FMO3: variants seen among roughly 807,000 people sequenced by gnomAD.
FMO3 encodes the protein flavin-containing monooxygenase 3.
A neutral mutation model predicts 39.4 loss-of-function variants in FMO3; 40 were observed. The observed-to-expected ratio is 1.02, with a 90% CI of 0.79 to 1.32. The LOEUF is 1.32. FMO3 is among the 40% of genes most tolerant of loss of function. The pLI is 0.00. For missense variants in FMO3, 680 were observed against 651.8 expected, an observed-to-expected ratio of 1.04 and a Z score of -0.47; for synonymous variants, 219 against 228.8, an observed-to-expected ratio of 0.96 and a Z score of 0.39.
chr1:171,117,193 G>C lies in FMO3; in HGVS notation c.1350G>C (p.Leu450=), dbSNP rs1252654025. 4 of 1,614,030 alleles carry C rather than the reference G, an allele frequency of 2.5e-6. No individual in the cohort carries two copies. Among genetic ancestry groups the C allele is most frequent in the East Asian group, 4.5e-5 (2 of 44,892 alleles). The change falls in exon 9 of 9, where the codon CTG becomes CTC. Residue 450 remains leucine (L), a synonymous_variant. Transcript: ENST00000367755. The part of the protein sequence containing the change: ...FIGAKPNIPW[L]FLTDPKLAME... The stretch of plus-strand genomic sequence containing the variant: ...GGGCAAAGCCCAACATCCCATGGCT[G>C]TTTCTCACAGATCCCAAATTGGCCA...
intron 3 of FMO3, among the ~76,000 whole-genome samples, chr1:171,106,450 T>C (rs1360320780): frequency 1.3e-5 from 2 of 152,206 alleles, no homozygotes; most frequent in Non-Finnish European, 2.9e-5. Flanking sequence ...TTAGAAATTT[T>C]GTAATTGCAT....
Position 171,096,063 on chromosome 1 carries a change from A to T in FMO3, c.132+3273A>T, listed in dbSNP as rs865779310. 7.3e-3 allele frequency among the ~76,000 whole-genome samples: 401 copies of T among 55,120 alleles called. 14 individuals are homozygous for T. Among genetic ancestry groups the T allele is most frequent in the African/African-American group, 0.039 (353 of 9,142 alleles). The allele number at this position is 55,120 out of a possible 152,430, so 36.2% of individuals were successfully genotyped here. On this transcript the variant is annotated intron_variant, in intron 2 of 8. Transcript: ENST00000367755. ...TATTATATATAAATATATAATATAT[A>T]TTATATATTAATATATAATATATAT...
At chr1:171,096,584 AT>A (rs1229193085) in intron 2 of FMO3, among the ~76,000 whole-genome samples, 2 of 121,876 alleles carry the variant, frequency 1.6e-5, no homozygotes, top group Non-Finnish European at 3.2e-5. Context: ...TACTTTATAT[AT>A]TAAATACATA....
intron 2 of FMO3, among the ~76,000 whole-genome samples, chr1:171,098,292 A>G (rs1419552032): frequency 2.0e-5 from 3 of 152,132 alleles, no homozygotes; most frequent in African/African-American, 4.8e-5. Flanking sequence ...TTGGTTCCAT[A>G]TGAACTTTAA....
rs1262233925 is a variant in FMO3, at chr1:171,101,332, A to G, written c.133-2453A>G. 26 of 416,402 alleles carry G rather than the reference A, an allele frequency of 6.2e-5. No individual in the cohort carries two copies. The Admixed American group carries it at 6.9e-4, about 11-fold the overall frequency. 25.8% of individuals were successfully genotyped at this position (416,402 alleles called of 1,614,324 possible). ...GGTAATTTATTACAGCAGCCACAAG[A>G]AACTAATACCTTTGGTTTTTCAGCG... On this transcript the variant is annotated intron_variant, in intron 2 of 8. Coordinates refer to ENST00000367755, the MANE Select transcript of FMO3 (RefSeq NM_001002294.3).
chr1:171,107,801 C>G lies in FMO3; in HGVS notation c.448C>G (p.His150Asp), dbSNP rs766237338. 1.2e-6 allele frequency: 2 copies of G among 1,613,948 alleles called. No individual in the cohort carries two copies. Among genetic ancestry groups the G allele is most frequent in the Non-Finnish European group, 1.7e-6 (2 of 1,179,924 alleles). The change falls in exon 4 of 9, where the codon CAT (histidine) becomes GAT (aspartate). Residue 150 changes from histidine to aspartate, a missense_variant. Transcript: ENST00000367755. ...FDAVMVCSGH[H>D]VYPNLPKESF... ...TGCTGTAATGGTTTGTTCCGGACAT[C>G]ATGTGTATCCCAACCTACCAAAAGA... is the stretch of plus-strand genomic sequence containing the variant.
In FMO3 at chr1:171,107,672, T is replaced by C. The variant is rs996915425; in HGVS notation, c.322-3T>C. The stretch of plus-strand genomic sequence containing the variant: ...GAGGGATTTCTTTCTGTATTTCTCT[T>C]AGACATTTGTATCCAGTGTAAATAA... On this transcript the variant is annotated splice_region_variant and splice_polypyrimidine_tract_variant and intron_variant, in intron 3 of 8. Transcript: ENST00000367755. The C allele has an allele frequency of 6.2e-7, 1 of 1,612,120 alleles. No homozygotes were observed. The highest frequency in any genetic ancestry group is 1.3e-5 in the African/African-American group (1 of 74,882).
chr1:171,111,697 A>G (rs903678924), intron 6 of FMO3, among the ~76,000 whole-genome samples: 1 of 152,218 alleles, frequency 6.6e-6, no homozygotes, highest in African/African-American at 2.4e-5. Flanking sequence ...CTTTGACAAG[A>G]GGTGAAAAAC....
chr1:171,098,131 T>C (rs1334644265), intron 2 of FMO3, among the ~76,000 whole-genome samples: 1 of 152,184 alleles, frequency 6.6e-6, no homozygotes, highest in African/African-American at 2.4e-5. Flanking sequence ...GAGGGCTCTG[T>C]TCTGTTCCAC....
intron 3 of FMO3, among the ~76,000 whole-genome samples, chr1:171,104,505 G>T (rs950874200): frequency 2.6e-5 from 4 of 151,802 alleles, no homozygotes; most frequent in African/African-American, 7.3e-5. Context: ...GAATGAAGGG[G>T]ATATAAAATA....
intron 2 of FMO3, chr1:171,101,680 A>G (rs1202881393): frequency 4.1e-6 from 2 of 488,260 alleles, no homozygotes; most frequent in Admixed American, 4.4e-5. Flanking sequence ...TCTAACCCTG[A>G]TCTAGAGCCA....
At chr1:171,110,318 C>T (rs28363562) in intron 5 of FMO3, among the ~76,000 whole-genome samples, 4,066 of 152,180 alleles carry the variant, frequency 0.027, 73 homozygotes, top group Middle Eastern at 0.051. Context: ...CTAGGGAAAA[C>T]GTGACTAGAA....
At chr1:171,099,037 T>C (rs573004864) in intron 2 of FMO3, among the ~76,000 whole-genome samples, 14 of 152,308 alleles carry the variant, frequency 9.2e-5, no homozygotes, top group Admixed American at 6.5e-4. Flanking sequence ...GGGCATTTAG[T>C]GCTATCAATT....
intron 2 of FMO3, among the ~76,000 whole-genome samples, chr1:171,096,053 TA>T (rs1180316212): frequency 5.5e-5 from 3 of 55,034 alleles, no homozygotes; most frequent in African/African-American, 1.4e-4. Context: ...TATATAAATA[TA>T]TAATATATAT....
intron 2 of FMO3, among the ~76,000 whole-genome samples, chr1:171,096,303 C>A (rs1478137712): frequency 4.2e-4 from 32 of 76,998 alleles, no homozygotes; most frequent in South Asian, 1.5e-3. Flanking sequence ...TATTATATAT[C>A]ATATATAATA....
intron 2 of FMO3, among the ~76,000 whole-genome samples, chr1:171,096,313 AT>A (rs1183822488): frequency 2.1e-5 from 2 of 95,458 alleles, no homozygotes; most frequent in South Asian, 3.4e-4. Context: ...CATATATAAT[AT>A]TTATATATAA....
intron 2 of FMO3, among the ~76,000 whole-genome samples, chr1:171,095,053 G>A (rs1475410656): frequency 6.6e-6 from 1 of 152,098 alleles, no homozygotes; most frequent in Non-Finnish European, 1.5e-5. Context: ...TCCAATCCAT[G>A]AGCATGAGAT....
intron 2 of FMO3, among the ~76,000 whole-genome samples, chr1:171,095,023 A>G (rs1208485665): frequency 6.6e-6 from 1 of 152,096 alleles, no homozygotes; most frequent in Non-Finnish European, 1.5e-5. Context: ...GCATATGGTT[A>G]TTTTAATGAT....
At chr1:171,102,675 AGT>A (rs776874970) in intron 2 of FMO3, among the ~76,000 whole-genome samples, 19 of 152,196 alleles carry the variant, frequency 1.2e-4, no homozygotes, top group Non-Finnish European at 2.6e-4. Flanking sequence ...CCTAATGCTC[AGT>A]GTGTTTTTTA....
Sources: allele counts gnomAD v4.1 joint callset (sites outside exome capture counted in the v4.1 genomes callset), GRCh38; gene constraint gnomAD v4.1.1; transcripts MANE v1.5; gene names NCBI Gene and HGNC (gene_info 2026-07-23, HGNC 2026-07-21).